Variants in PTN observed in about 807,000 individuals in gnomAD.
The protein encoded by PTN is heparin affin regulatory protein.
A neutral mutation model predicts 24.1 loss-of-function variants in PTN; 18 were observed. The ratio of observed to expected loss-of-function variants is 0.75; its 90% CI spans 0.52 to 1.11. The LOEUF is 1.11. Ranked by LOEUF, PTN falls within the 50% of genes least tolerant of loss-of-function variation. The pLI is 0.00. For missense variants in PTN, 163 were observed against 198.8 expected, an observed-to-expected ratio of 0.82 and a Z score of 1.08; for synonymous variants, 78 against 68.6, an observed-to-expected ratio of 1.14 and a Z score of -0.67.
intron 4 of PTN, among the ~76,000 whole-genome samples, chr7:137,250,946 G>T (rs1246994598): frequency 1.3e-5 from 2 of 152,116 alleles, no homozygotes; most frequent in African/African-American, 2.4e-5. Context: ...GGAATATATG[G>T]TCATCATACA....
chr7:137,248,318 G>T (rs322300), intron 4 of PTN, among the ~76,000 whole-genome samples: 14,896 of 152,260 alleles, frequency 0.098, 775 homozygotes, highest in African/African-American at 0.11. Context: ...ATGTGTGTGT[G>T]TGTGTGAGTG....
intron 4 of PTN, among the ~76,000 whole-genome samples, chr7:137,231,892 C>T (rs1808432449): frequency 6.6e-6 from 1 of 151,734 alleles, no homozygotes; most frequent in African/African-American, 2.4e-5. Flanking sequence ...TAAAACTGTC[C>T]CAGTTTAGTC....
At chr7:137,333,633 A>G (rs1180016225) in intron 1 of PTN, among the ~76,000 whole-genome samples, 1 of 152,188 alleles carries the variant, frequency 6.6e-6, no homozygotes, top group African/African-American at 2.4e-5. Context: ...AAGTAAATAT[A>G]TTACATATAT....
intron 1 of PTN, among the ~76,000 whole-genome samples, chr7:137,295,989 A>C (rs936465462): frequency 1.3e-5 from 2 of 152,060 alleles, no homozygotes; most frequent in African/African-American, 4.8e-5. Flanking sequence ...ATTAGTGAAC[A>C]AGATTCAAAA....
In PTN at chr7:137,271,846, T is replaced by C. The variant is rs950154550; in HGVS notation, c.-1-16872A>G. On this transcript the variant is annotated intron_variant, in intron 1 of 4. Transcript: ENST00000348225. ...ATACATTTACTTTCTCTGAAACTTA[T>C]TTTTCTTAGCAATCGACGTGGGTAT... Among the ~76,000 whole-genome samples, 17 of 152,330 alleles carry C rather than the reference T, an allele frequency of 1.1e-4. No individual in the cohort carries two copies. The East Asian group carries it at 1.2e-3, about 10-fold the overall frequency.
chr7:137,259,540 T>C (rs959917725), intron 1 of PTN, among the ~76,000 whole-genome samples: 1 of 151,968 alleles, frequency 6.6e-6, no homozygotes, highest in Non-Finnish European at 1.5e-5. Flanking sequence ...AACCAGAATA[T>C]TAATACAGTA....
At chr7:137,313,849 C>G (rs144574465) in intron 1 of PTN, among the ~76,000 whole-genome samples, 1 of 152,210 alleles carries the variant, frequency 6.6e-6, no homozygotes, top group East Asian at 1.9e-4. Flanking sequence ...TTCAAAAGAA[C>G]GTATACCTTC....
At chr7:137,339,437 C>T (rs1297628219) in intron 1 of PTN, among the ~76,000 whole-genome samples, 1 of 151,702 alleles carries the variant, frequency 6.6e-6, no homozygotes, top group Non-Finnish European at 1.5e-5. Context: ...TGGAGTAGGA[C>T]CCCGAGACGA....
chr7:137,325,515 C>T (rs1303743907), intron 1 of PTN: 1 of 152,896 alleles, frequency 6.5e-6, no homozygotes, highest in Admixed American at 6.5e-5. Flanking sequence ...ATCACCATCA[C>T]AAAACACCCA....
chr7:137,335,545 T>C (rs963675404), intron 1 of PTN, among the ~76,000 whole-genome samples: 1 of 152,232 alleles, frequency 6.6e-6, no homozygotes, highest in African/African-American at 2.4e-5. Context: ...TGGAGCATTC[T>C]GATTTGTCTC....
intron 3 of PTN, 47 bp from the exon 4 acceptor site, chr7:137,251,438 G>T (rs554454176): frequency 6.3e-7 from 1 of 1,579,936 alleles, no homozygotes; most frequent in Non-Finnish European, 8.7e-7. Context: ...AGATCCTATC[G>T]TACTTCCAGG....
chr7:137,238,807 T>G (rs1208584647), intron 4 of PTN, among the ~76,000 whole-genome samples: 4 of 152,180 alleles, frequency 2.6e-5, no homozygotes, highest in Non-Finnish European at 5.9e-5. Context: ...GTATAATGCC[T>G]GTCATATCAT....
At chr7:137,270,681 A>G (rs1809257685) in intron 1 of PTN, among the ~76,000 whole-genome samples, 2 of 152,344 alleles carry the variant, frequency 1.3e-5, no homozygotes, top group Admixed American at 1.3e-4. Flanking sequence ...CAACACAGAC[A>G]AGATTCCTGA....
chr7:137,247,409 A>T (rs1421157525), intron 4 of PTN, among the ~76,000 whole-genome samples: 1 of 152,224 alleles, frequency 6.6e-6, no homozygotes, highest in African/African-American at 2.4e-5. Flanking sequence ...GTAAAATAAG[A>T]CAGGCACAGA....
intron 4 of PTN, among the ~76,000 whole-genome samples, chr7:137,248,728 C>A (rs139358294): frequency 6.6e-6 from 1 of 152,068 alleles, no homozygotes; most frequent in African/African-American, 2.4e-5. Flanking sequence ...CAGTGCCAAA[C>A]AGCATTTATA....
chr7:137,339,585 A>AAAAAAAT (rs1810502725), intron 1 of PTN, among the ~76,000 whole-genome samples: 1 of 149,216 alleles, frequency 6.7e-6, no homozygotes, highest in East Asian at 2.0e-4. Context: ...AAAAAAAAAA[A>AAAAAAAT]TGGGGGAAAA....
chr7:137,278,326 AAAAAAAAAAAAAT>A (rs1379429641), intron 1 of PTN, among the ~76,000 whole-genome samples: 5 of 149,544 alleles, frequency 3.3e-5, no homozygotes, highest in Non-Finnish European at 4.5e-5. Context: ...AAAAAAAAAA[AAAAAAAAAAAAAT>A]GACTACTAAT....
At chr7:137,308,049 G>A (rs1474885960) in intron 1 of PTN, among the ~76,000 whole-genome samples, 1 of 152,112 alleles carries the variant, frequency 6.6e-6, no homozygotes, top group African/African-American at 2.4e-5. Context: ...GAAGGGTACA[G>A]GAGCCCTACT....
intron 1 of PTN, among the ~76,000 whole-genome samples, chr7:137,332,497 A>G (rs1362112837): frequency 6.6e-6 from 1 of 152,192 alleles, no homozygotes; most frequent in Non-Finnish European, 1.5e-5. Context: ...CAGAAACATT[A>G]TTCAATAATG....
Sources: allele counts gnomAD v4.1 joint callset (sites outside exome capture counted in the v4.1 genomes callset), GRCh38; gene constraint gnomAD v4.1.1; transcripts MANE v1.5; gene names NCBI Gene and HGNC (gene_info 2026-07-23, HGNC 2026-07-21).